The following KALRN variants were observed in gnomAD, a reference collection of about 807,000 sequenced individuals.
KALRN encodes the protein kalirin RhoGEF kinase.
KALRN carries 70 observed loss-of-function variants against 353.7 expected under a neutral mutation model. The observed-to-expected ratio is 0.20, with a 90% CI of 0.16 to 0.24. The LOEUF is 0.24. Ranked by LOEUF, KALRN falls within the 10% of genes least tolerant of loss-of-function variation. KALRN has a pLI of 1.00. For synonymous variants in KALRN, 1,391 were observed against 1,434.8 expected, an observed-to-expected ratio of 0.97 and a Z score of 0.69; for missense variants, 2,791 against 3,756.7, an observed-to-expected ratio of 0.74 and a Z score of 6.72.
chr3:124,719,448 ACC>A lies in KALRN; in HGVS notation c.8940_8941del (p.Asn2980LysfsTer27). On this transcript the variant is annotated frameshift_variant, in exon 60 of 60. Coordinates refer to ENST00000682506, the MANE Select transcript of KALRN (RefSeq NM_001388419.1). LOFTEE classifies it high-confidence loss of function. The surrounding 1 kb of genome is among the most constrained non-coding windows in gnomAD (Gnocchi z 5.3). ...CCCAATGTCAAGAGCTACATTGTCA[ACC>A]GGGTGAACCAAGGGACGTAGCCATC... is the stretch of plus-strand genomic sequence containing the variant. 2 of 1,613,364 alleles carry A rather than the reference ACC, an allele frequency of 1.2e-6. No individual in the cohort carries two copies. The highest frequency in any genetic ancestry group is 1.7e-6 in the Non-Finnish European group (2 of 1,179,508).
intron 33 of KALRN, among the ~76,000 whole-genome samples, chr3:124,522,847 C>A (rs1034569307): frequency 6.6e-5 from 10 of 152,142 alleles, no homozygotes; most frequent in Admixed American, 1.3e-4. Context: ...AAGTAGTTAT[C>A]CTTAAACAGC....
intron 1 of KALRN, among the ~76,000 whole-genome samples, chr3:124,133,574 C>T (rs1340474033): frequency 1.3e-5 from 2 of 152,224 alleles, no homozygotes; most frequent in African/African-American, 4.8e-5. Flanking sequence ...AGGGCACTGC[C>T]TGTGATTGCA....
chr3:124,276,387 C>T (rs1346096565), intron 5 of KALRN, among the ~76,000 whole-genome samples: 1 of 152,110 alleles, frequency 6.6e-6, no homozygotes, highest in Non-Finnish European at 1.5e-5. Context: ...CCTGTCCTCT[C>T]CCTCCAAGGT....
At chr3:124,590,847 T>C (rs1288391435) in intron 34 of KALRN, among the ~76,000 whole-genome samples, 1 of 152,172 alleles carries the variant, frequency 6.6e-6, no homozygotes, top group Non-Finnish European at 1.5e-5. Flanking sequence ...CCAGGAATCA[T>C]TTAATTCCTC....
At chr3:124,381,118 A>G (rs982719598) in intron 10 of KALRN, among the ~76,000 whole-genome samples, 25 of 152,304 alleles carry the variant, frequency 1.6e-4, no homozygotes, top group Admixed American at 1.5e-3. Flanking sequence ...AGTCCAGAGG[A>G]GGGCACATAA....
chr3:124,285,116 T>C (rs1049557271), intron 5 of KALRN, among the ~76,000 whole-genome samples: 8 of 152,206 alleles, frequency 5.3e-5, no homozygotes, highest in African/African-American at 1.7e-4. Context: ...ATTTCGTTGG[T>C]TCATACTCAT....
intron 37 of KALRN, among the ~76,000 whole-genome samples, chr3:124,645,956 C>T (rs112633029): frequency 0.11 from 17,323 of 152,126 alleles, 1,052 homozygotes; most frequent in Middle Eastern, 0.2. Flanking sequence ...ACACCCTTGC[C>T]AACATTTGTT....
At chr3:124,593,821 A>G (rs999766107) in intron 34 of KALRN, among the ~76,000 whole-genome samples, 1 of 152,136 alleles carries the variant, frequency 6.6e-6, no homozygotes, top group Non-Finnish European at 1.5e-5. Flanking sequence ...CTCACTTAAG[A>G]TTACTTTGCT....
At chr3:124,643,254 TCTC>T (rs895564511) in intron 37 of KALRN, among the ~76,000 whole-genome samples, 7 of 152,026 alleles carry the variant, frequency 4.6e-5, no homozygotes, top group African/African-American at 1.7e-4. Flanking sequence ...CTCAAGCAAT[TCTC>T]CTGCAATGGC....
intron 44 of KALRN, among the ~76,000 whole-genome samples, chr3:124,661,237 G>A (rs531415301): frequency 6.6e-6 from 1 of 152,330 alleles, no homozygotes; most frequent in South Asian, 2.1e-4. Flanking sequence ...CACATAGTGG[G>A]AAAGGGTAAC....
chr3:124,678,164 G>T, intron 49 of KALRN, 26 bp from the exon 50 acceptor site: 1 of 1,611,416 alleles, frequency 6.2e-7, no homozygotes, highest in South Asian at 1.1e-5. Context: ...CTGCCATTTT[G>T]ATTGGTGCAT....
intron 34 of KALRN, among the ~76,000 whole-genome samples, chr3:124,593,166 G>A (rs2149378099): frequency 6.6e-6 from 1 of 152,284 alleles, no homozygotes. Flanking sequence ...TGTGGGGAAA[G>A]GGATGTTATC....
rs1229476904 is a variant in KALRN at position 124,668,807 on chromosome 3, A to G, written c.6703+1624A>G. ...TTTCTGAATATAATATACAACTTCA[A>G]ATGAACACTTTTGTTGATAAAATAA... On this transcript the variant is annotated intron_variant, in intron 47 of 59. Coordinates refer to ENST00000682506, the MANE Select transcript of KALRN (RefSeq NM_001388419.1). Among the ~76,000 whole-genome samples the G allele has an allele frequency of 1.8e-4, 28 of 152,208 alleles. 1 individual carries two copies. The highest frequency in any genetic ancestry group is 1.8e-3 in the Admixed American group (28 of 15,284).
chr3:124,176,812 C>G (rs2072834528), intron 1 of KALRN, among the ~76,000 whole-genome samples: 1 of 152,202 alleles, frequency 6.6e-6, no homozygotes, highest in African/African-American at 2.4e-5. Context: ...TTAGTTCTCT[C>G]CTTGCTTCAT....
At chr3:124,245,936 A>G (rs545720048) in intron 3 of KALRN, among the ~76,000 whole-genome samples, 6 of 152,296 alleles carry the variant, frequency 3.9e-5, no homozygotes, top group African/African-American at 1.4e-4. Context: ...TTATCAATTT[A>G]TACTCCCAGT....
chr3:124,585,840 A>G (rs2075124705), intron 34 of KALRN, among the ~76,000 whole-genome samples: 2 of 152,218 alleles, frequency 1.3e-5, no homozygotes, highest in Middle Eastern at 6.8e-3. Flanking sequence ...CCCCATTTAC[A>G]ATACCCCACC....
intron 39 of KALRN, among the ~76,000 whole-genome samples, chr3:124,656,213 A>AG (rs2150158868): frequency 6.6e-6 from 1 of 152,084 alleles, no homozygotes; most frequent in Admixed American, 6.5e-5. Context: ...TTCACTTAAG[A>AG]GGGACTTAGA....
At chr3:124,087,456 C>T (rs1410083663) in intron 1 of KALRN, among the ~76,000 whole-genome samples, 1 of 152,146 alleles carries the variant, frequency 6.6e-6, no homozygotes, top group Non-Finnish European at 1.5e-5. Context: ...TTTTTGTCTT[C>T]TAGATGAAAG....
chr3:124,097,415 C>G (rs887903974), intron 1 of KALRN, among the ~76,000 whole-genome samples: 2 of 152,190 alleles, frequency 1.3e-5, no homozygotes, highest in Non-Finnish European at 2.9e-5. Context: ...TCATTTTGCC[C>G]TCATCATTGT....
Sources: gnomAD v4.1 joint callset for allele counts (sites outside exome capture counted in the v4.1 genomes callset) on GRCh38, gnomAD v4.1.1 for gene constraint, Gnocchi (gnomAD v3.1) non-coding constraint, MANE v1.5 for transcripts, NCBI Gene and HGNC (gene_info 2026-07-23, HGNC 2026-07-21) for gene names.